Variants in ATP5MG observed in about 807,000 individuals in gnomAD.
ATP5MG encodes the protein ATP synthase membrane subunit g, also known as ATP synthase F(0) complex subunit g, mitochondrial.
ATP5MG carries 7 observed loss-of-function variants against 12.7 expected under a neutral mutation model. The ratio of observed to expected loss-of-function variants is 0.55; its 90% confidence interval spans 0.31 to 1.04. The LOEUF (loss-of-function observed/expected upper bound fraction) is 1.04. Ranked by LOEUF, ATP5MG falls within the 50% of genes least tolerant of loss-of-function variation. The probability of loss-of-function intolerance (pLI) is 0.05; values close to 1 mark genes in which losing one functional copy is unlikely to be tolerated. For synonymous variants in ATP5MG, 53 were observed against 48.2 expected (o/e 1.10, Z -0.41); for missense variants, 116 against 126.7 (o/e 0.92, Z 0.41).
chr11:118,401,640 G>A lies in ATP5MG; in HGVS notation c.-26G>A, dbSNP rs370283505. On this transcript the variant is annotated 5_prime_UTR_variant, in exon 1 of 3. Transcript: ENST00000300688. ...GGGTGACATTCAGCCGGCGGTTCGG[G>A]GCGACGGACTCTCCATTCCAGAACC... 2.1e-4 allele frequency: 335 copies of A among 1,613,908 alleles called. No individual in the cohort carries two copies. Among genetic ancestry groups the A allele is most frequent in the Admixed American group, 1.3e-4 (8 of 59,998 alleles).
chr11:118,408,199 G>T (rs1555132458), intron 2 of ATP5MG, among the ~76,000 whole-genome samples: 1 of 152,056 alleles, frequency 6.6e-6, no homozygotes, highest in African/African-American at 2.4e-5. Flanking sequence ...CTGGAACTTG[G>T]ATTTTATTTG....
rs1485973221 is a variant in ATP5MG at position 118,409,570 on chromosome 11, ATGTC to A, written c.*476_*479del. 3 of 152,300 alleles carry A rather than the reference ATGTC, an allele frequency of 2.0e-5. No individual in the cohort carries two copies. The highest frequency in any genetic ancestry group is 4.4e-5 in the Non-Finnish European group (3 of 68,108). The allele number at this position is 152,300 out of a possible 1,614,324, so 9.4% of individuals were successfully genotyped here. On this transcript the variant is annotated 3_prime_UTR_variant, in exon 3 of 3. Transcript: ENST00000300688. ...CAGAAAGACCCTATTGACAACATCT[ATGTC>A]TGTAAAAATGTTAGAGTACTTGTCA...
intron 1 of ATP5MG, 167 bp from the exon 2 acceptor site, chr11:118,406,770 T>C (rs1170341205): frequency 2.0e-6 from 2 of 1,001,792 alleles, no homozygotes; most frequent in African/African-American, 3.3e-5. Context: ...AAAAGCCTCT[T>C]GTTACCAGGG....
In ATP5MG at chr11:118,401,645, C is replaced by T. The variant is rs782016338; in HGVS notation, c.-21C>T. On this transcript the variant is annotated 5_prime_UTR_variant, in exon 1 of 3. It adds an upstream start codon to the 5' untranslated region. Transcript: ENST00000300688. The stretch of plus-strand genomic sequence containing the variant: ...ACATTCAGCCGGCGGTTCGGGGCGA[C>T]GGACTCTCCATTCCAGAACCATGGC... 6.2e-6 allele frequency: 10 copies of T among 1,614,020 alleles called. No individual in the cohort carries two copies. Among genetic ancestry groups the T allele is most frequent in the Admixed American group, 1.7e-5 (1 of 60,024 alleles).
Position 118,401,737 on chromosome 11 carries a change from G to A in ATP5MG, c.52+20G>A, listed in dbSNP as rs1555131109. ...TGAACGGTGAGCGCGATGTGAGACC[G>A]CCGAGGCGGGCACACGGGCGGCAGG... is the stretch of plus-strand genomic sequence containing the variant. On this transcript the variant is annotated intron_variant, in intron 1 of 2. Transcript: ENST00000300688. 4 of 1,606,946 alleles carry A rather than the reference G, an allele frequency of 2.5e-6. No homozygotes were observed. Among genetic ancestry groups the A allele is most frequent in the Middle Eastern group, 1.7e-4 (1 of 6,012 alleles).
At chr11:118,404,320 A>G (rs1050998172) in intron 1 of ATP5MG, among the ~76,000 whole-genome samples, 2 of 152,162 alleles carry the variant, frequency 1.3e-5, no homozygotes, top group East Asian at 1.9e-4. Flanking sequence ...TTGTATTTCA[A>G]TAGTTTTTCC....
At chr11:118,405,882 A>G (rs1030999668) in intron 1 of ATP5MG, among the ~76,000 whole-genome samples, 7 of 152,138 alleles carry the variant, frequency 4.6e-5, no homozygotes. Flanking sequence ...GTAATTTTTG[A>G]AACAGAGTCT....
chr11:118,403,223 C>T (rs1276597113), intron 1 of ATP5MG, among the ~76,000 whole-genome samples: 1 of 152,220 alleles, frequency 6.6e-6, no homozygotes, highest in Non-Finnish European at 1.5e-5. Flanking sequence ...GGCCCTGCGG[C>T]GGTAGCTTAC....
In ATP5MG at chr11:118,401,650, T is replaced by G. The variant is rs782691825; in HGVS notation, c.-16T>G. On this transcript the variant is annotated 5_prime_UTR_variant, in exon 1 of 3. Transcript: ENST00000300688. ...CAGCCGGCGGTTCGGGGCGACGGAC[T>G]CTCCATTCCAGAACCATGGCCCAAT... is the stretch of plus-strand genomic sequence containing the variant. 1.2e-6 allele frequency: 2 copies of G among 1,613,948 alleles called. No homozygotes were observed. The highest frequency in any genetic ancestry group is 2.2e-5 in the East Asian group (1 of 44,870).
At chr11:118,409,846 TAGTC>T (rs536293336) in exon 3 of ATP5MG, 6 of 152,362 alleles carry the variant, frequency 3.9e-5, no homozygotes, top group South Asian at 1.2e-3. Context: ...ATGATTGCTA[TAGTC>T]TGTCTTCTGG....
intron 1 of ATP5MG, among the ~76,000 whole-genome samples, chr11:118,403,548 C>A (rs1555131562): frequency 1.1e-4 from 16 of 151,582 alleles, no homozygotes. Flanking sequence ...GTAATCCCAG[C>A]ACTTTGGGAG....
At position 118,409,625 on chromosome 11, in the gene ATP5MG, GA is replaced by G. The variant is rs1949000442; in HGVS notation, c.*529del. ...TCTTGAATATAGCCTCCCCAAGAGA[GA>G]ACAGGGTGGTATTCTAAGTATGTTT... On this transcript the variant is annotated 3_prime_UTR_variant, in exon 3 of 3. Transcript: ENST00000300688. The G allele has an allele frequency of 6.6e-6, 1 of 152,220 alleles. No individual in the cohort carries two copies. The highest frequency in any genetic ancestry group is 2.4e-5 in the African/African-American group (1 of 41,448). 9.4% of individuals were successfully genotyped at this position (152,220 alleles called of 1,614,324 possible).
At position 118,407,254 on chromosome 11, in the gene ATP5MG, C is replaced by T. The variant is rs868967700; in HGVS notation, c.213+157C>T. The T allele has an allele frequency of 2.7e-6, 3 of 1,101,880 alleles. No individual in the cohort carries two copies. In the Middle Eastern group the frequency reaches 7.2e-4, roughly 266 times the overall value. 68.3% of individuals were successfully genotyped at this position (1,101,880 alleles called of 1,614,324 possible). A position where few individuals can be genotyped will look rare whatever the true frequency, so the allele number is the denominator to read the frequency against. ...ACTGCTGAGGAAGATACTTACTTTTCTAATTTTGTCACCTGGGTAGAAATA... is the reference window on the plus strand; with the variant it reads ...ACTGCTGAGGAAGATACTTACTTTTTTAATTTTGTCACCTGGGTAGAAATA... On this transcript the variant is annotated intron_variant, in intron 2 of 2. Transcript: ENST00000300688.
Position 118,409,384 on chromosome 11 carries a change from A to C in ATP5MG, c.*286A>C, listed in dbSNP as rs1278844909. 5.9e-6 allele frequency: 1 copy of C among 170,676 alleles called. No individual in the cohort carries two copies. The highest frequency in any genetic ancestry group is 1.2e-5 in the Non-Finnish European group (1 of 80,068). 10.6% of individuals were successfully genotyped at this position (170,676 alleles called of 1,614,324 possible). On this transcript the variant is annotated 3_prime_UTR_variant, in exon 3 of 3. Coordinates refer to ENST00000300688, the MANE Select transcript of ATP5MG (RefSeq NM_006476.5). ...ACATTTTAATTTGAAGGTTTGGAATATATATATTTAAGCTTTATTTCCAGA... is the reference window on the plus strand; with the variant it reads ...ACATTTTAATTTGAAGGTTTGGAATCTATATATTTAAGCTTTATTTCCAGA...
chr11:118,404,638 A>G (rs1419546596), intron 1 of ATP5MG, among the ~76,000 whole-genome samples: 2 of 152,238 alleles, frequency 1.3e-5, no homozygotes, highest in African/African-American at 4.8e-5. Flanking sequence ...CAGGAGGTAT[A>G]TGATATTCCT....
chr11:118,401,620 A>C lies in ATP5MG; in HGVS notation c.-46A>C. 6.2e-7 allele frequency: 1 copy of C among 1,612,664 alleles called. No homozygotes were observed. On this transcript the variant is annotated 5_prime_UTR_variant, in exon 1 of 3. Transcript: ENST00000300688. ...CTGCAGCGGGTCCTTCCGGCGGGTGACATTCAGCCGGCGGTTCGGGGCGAC... is the reference window on the plus strand; with the variant it reads ...CTGCAGCGGGTCCTTCCGGCGGGTGCCATTCAGCCGGCGGTTCGGGGCGAC...
chr11:118,405,518 A>G (rs1387071229), intron 1 of ATP5MG: 1 of 389,142 alleles, frequency 2.6e-6, no homozygotes, highest in Non-Finnish European at 3.5e-6. Context: ...AAACAAATTT[A>G]CCACCTAAAA....
chr11:118,401,627 G>A lies in ATP5MG; in HGVS notation c.-39G>A, dbSNP rs782215509. ...GGGTCCTTCCGGCGGGTGACATTCA[G>A]CCGGCGGTTCGGGGCGACGGACTCT... is the stretch of plus-strand genomic sequence containing the variant. On this transcript the variant is annotated 5_prime_UTR_variant, in exon 1 of 3. Coordinates refer to ENST00000300688, the MANE Select transcript of ATP5MG (RefSeq NM_006476.5). 1 of 1,613,584 alleles carries A rather than the reference G, an allele frequency of 6.2e-7. No individual in the cohort carries two copies. Among genetic ancestry groups the A allele is most frequent in the African/African-American group, 1.3e-5 (1 of 75,048 alleles).
chr11:118,401,855 C>A, intron 1 of ATP5MG, 138 bp downstream of exon 1: 1 of 1,025,230 alleles, frequency 9.8e-7, no homozygotes, highest in Non-Finnish European at 1.4e-6. Flanking sequence ...GTGGAGGGAG[C>A]AGGAAGCAGG....
Sources: allele counts gnomAD v4.1 joint callset (sites outside exome capture counted in the v4.1 genomes callset), GRCh38; gene constraint gnomAD v4.1.1; transcripts MANE v1.5; gene names NCBI Gene and HGNC (gene_info 2026-07-23, HGNC 2026-07-21).